Variants in ABCC11 observed in about 807,000 individuals in gnomAD.
ABCC11 encodes ATP binding cassette subfamily C member 11, also known as ATP-binding cassette sub-family C member 11.
Under a neutral mutation model 149.3 loss-of-function variants are expected in ABCC11, and 135 were observed. That is an observed-to-expected ratio of 0.90 (90% confidence interval 0.79 to 1.04). The LOEUF is 1.04. Ranked by LOEUF, ABCC11 falls within the 50% of genes least tolerant of loss-of-function variation. The probability of loss-of-function intolerance (pLI) is 0.00; values close to 1 mark genes in which losing one functional copy is unlikely to be tolerated. For missense variants in ABCC11, 1,680 were observed against 1,722.1 expected, an observed-to-expected ratio of 0.98 and a Z score of 0.43; for synonymous variants, 665 against 671.4, an observed-to-expected ratio of 0.99 and a Z score of 0.15.
At chr16:48,172,612 G>A (rs557472844) in intron 26 of ABCC11, among the ~76,000 whole-genome samples, 31 of 152,032 alleles carry the variant, frequency 2.0e-4, no homozygotes, top group Non-Finnish European at 4.4e-4. Flanking sequence ...TTACCTTTTT[G>A]AGGAATTGCC....
intron 23 of ABCC11, among the ~76,000 whole-genome samples, chr16:48,181,918 C>T (rs1219928132): frequency 3.9e-5 from 6 of 152,360 alleles, no homozygotes; most frequent in Non-Finnish European, 5.9e-5. Context: ...CCACCCCAAA[C>T]CACATGTTCT....
intron 18 of ABCC11, among the ~76,000 whole-genome samples, chr16:48,195,810 A>T (rs2150799760): frequency 6.6e-6 from 1 of 152,254 alleles, no homozygotes; most frequent in South Asian, 2.1e-4. Flanking sequence ...TGCTCATGAT[A>T]AACTCAGCTG....
chr16:48,210,200 T>C (rs185327644), intron 11 of ABCC11: 2 of 152,304 alleles, frequency 1.3e-5, no homozygotes, highest in African/African-American at 4.8e-5. Context: ...TCATTTTAAA[T>C]GCTTGATGGA....
Position 48,170,122 on chromosome 16 carries a change from C to T in ABCC11, c.3874G>A (p.Val1292Met). The T allele has an allele frequency of 6.2e-7, 1 of 1,613,976 alleles. No individual in the cohort carries two copies. The highest frequency in any genetic ancestry group is 8.5e-7 in the Non-Finnish European group (1 of 1,179,868). Residue 1292 changes from valine (V) to methionine (M), a missense_variant, in exon 28 of 30, where the codon GTG (valine) becomes ATG (methionine). By Grantham distance (21) the Val-to-Met change is conservative. Coordinates refer to ENST00000356608, the MANE Select transcript of ABCC11 (RefSeq NM_001370497.1). ...GGCCTCACCTTGGAGTTGCGAAGCA[C>T]AGCCCTGGCAATGCAGAGCAGCTGC... ...ERQLLCIARA[V>M]LRNSKIILID...
At chr16:48,191,980 A>T (rs1020237207) in intron 20 of ABCC11, among the ~76,000 whole-genome samples, 4 of 152,222 alleles carry the variant, frequency 2.6e-5, no homozygotes, top group African/African-American at 9.6e-5. Flanking sequence ...ATATAATAAA[A>T]AATAATAATA....
chr16:48,167,222 T>C lies in ABCC11; in HGVS notation c.*52A>G, dbSNP rs1238897083. The C allele has an allele frequency of 2.6e-6, 2 of 756,308 alleles. No individual in the cohort carries two copies. The highest frequency in any genetic ancestry group is 4.9e-6 in the Non-Finnish European group (2 of 405,458). The allele number at this position is 756,308 out of a possible 1,614,324, so 46.8% of individuals were successfully genotyped here. On this transcript the variant is annotated 3_prime_UTR_variant, in exon 30 of 30. Transcript: ENST00000356608. ...AGACTGTGGGCCTCGAAGCTGCACC[T>C]GTGTGAACCTCTGAGCTCAGCTGCC... is the stretch of plus-strand genomic sequence containing the variant.
intron 1 of ABCC11, among the ~76,000 whole-genome samples, chr16:48,238,892 TCG>T (rs923360384): frequency 2.0e-4 from 25 of 124,470 alleles, no homozygotes; most frequent in Middle Eastern, 0.013. Flanking sequence ...AGCCGAGATC[TCG>T]CCACTACACT....
chr16:48,225,966 T>C (rs1970042827), intron 4 of ABCC11, among the ~76,000 whole-genome samples: 1 of 152,148 alleles, frequency 6.6e-6, no homozygotes, highest in Admixed American at 6.5e-5. Flanking sequence ...TGGAAGAGAA[T>C]GGAAAGAAAT....
At chr16:48,187,861 G>A (rs1365321758) in intron 20 of ABCC11, among the ~76,000 whole-genome samples, 1 of 152,134 alleles carries the variant, frequency 6.6e-6, no homozygotes, top group Non-Finnish European at 1.5e-5. Flanking sequence ...GGTAGGAGGT[G>A]AGACTTGACT....
intron 20 of ABCC11, among the ~76,000 whole-genome samples, chr16:48,187,668 C>T (rs17743708): frequency 2.6e-5 from 4 of 151,970 alleles, no homozygotes; most frequent in South Asian, 2.1e-4. Flanking sequence ...TCCTCGTTAG[C>T]GAAATGGGAA....
chr16:48,170,005 C>T lies in ABCC11; in HGVS notation c.3891+100G>A, dbSNP rs182606829. On this transcript the variant is annotated intron_variant, in intron 28 of 29. Coordinates refer to ENST00000356608, the MANE Select transcript of ABCC11 (RefSeq NM_001370497.1). ...GTTGTTAAGACGTACACCACAGAGC[C>T]CAGTGTCCCACGGTAGTGAAGGGAG... The T allele has an allele frequency of 1.2e-4, 93 of 806,450 alleles. 1 individual carries two copies. The African/African-American group carries it at 1.3e-3, about 12-fold the overall frequency. The allele number at this position is 806,450 out of a possible 1,614,324, so 50.0% of individuals were successfully genotyped here.
chr16:48,197,920 A>T, intron 17 of ABCC11, 51 bp downstream of exon 17: 1 of 1,590,990 alleles, frequency 6.3e-7, no homozygotes, highest in Non-Finnish European at 8.6e-7. Flanking sequence ...GGACCTCTGG[A>T]GGACCCAGGC....
chr16:48,201,874 T>G (rs1968012706), intron 14 of ABCC11, among the ~76,000 whole-genome samples: 3 of 152,208 alleles, frequency 2.0e-5, no homozygotes, highest in African/African-American at 7.2e-5. Context: ...TCCTTGAGGC[T>G]CTGAGGAAGT....
rs1476420557 is a variant in ABCC11 at position 48,200,466 on chromosome 16, C to T, written c.1892G>A (p.Gly631Asp). 4 of 1,614,010 alleles carry T rather than the reference C, an allele frequency of 2.5e-6. No homozygotes were observed. Among genetic ancestry groups the T allele is most frequent in the African/African-American group, 2.7e-5 (2 of 75,060 alleles). The change falls in exon 15 of 30, where the codon GGC (glycine) becomes GAC (aspartate). Residue 631 changes from glycine to aspartate, a missense_variant. Transcript: ENST00000356608. ...FGDMTEIGER[G>D]LNLSGGQKQR... The stretch of plus-strand genomic sequence containing the variant: ...TTTCTGCCCCCCAGAGAGGTTGAGG[C>T]CCCGCTCTCCAATCTGCAGACAGGC...
chr16:48,194,010 A>C, intron 18 of ABCC11, 28 bp from the exon 19 acceptor site: 1 of 1,557,180 alleles, frequency 6.4e-7, no homozygotes, highest in Non-Finnish European at 8.9e-7. Flanking sequence ...GTGATGTACA[A>C]GTGCCACAAA....
At chr16:48,209,520 C>G (rs1293721550) in intron 11 of ABCC11, 1 of 157,058 alleles carries the variant, frequency 6.4e-6, no homozygotes, top group Non-Finnish European at 1.4e-5. Flanking sequence ...TATGAGAATC[C>G]AATGCTGCCG....
At chr16:48,225,294 T>C (rs1970003426) in intron 4 of ABCC11, among the ~76,000 whole-genome samples, 1 of 152,226 alleles carries the variant, frequency 6.6e-6, no homozygotes, top group South Asian at 2.1e-4. Context: ...TTGAAATTTC[T>C]CTAATTATTT....
intron 1 of ABCC11, among the ~76,000 whole-genome samples, chr16:48,241,170 A>G (rs1970950108): frequency 6.6e-6 from 1 of 152,202 alleles, no homozygotes; most frequent in Admixed American, 6.5e-5. Context: ...TCCTGACCTC[A>G]GATGATCCAC....
intron 23 of ABCC11, 137 bp downstream of exon 23, chr16:48,184,303 C>T: frequency 9.4e-7 from 1 of 1,061,474 alleles, no homozygotes; most frequent in Non-Finnish European, 1.3e-6. Flanking sequence ...GAAGGCCAAG[C>T]ACATAGCTCC....
Sources: gnomAD v4.1 joint callset for allele counts (sites outside exome capture counted in the v4.1 genomes callset) on GRCh38, gnomAD v4.1.1 for gene constraint, MANE v1.5 for transcripts, NCBI Gene and HGNC (gene_info 2026-07-23, HGNC 2026-07-21) for gene names.